Variants in FBXL7 observed in about 807,000 individuals in gnomAD.
FBXL7 encodes F-box and leucine rich repeat protein 7.
A neutral mutation model predicts 38.3 loss-of-function variants in FBXL7; 12 were observed. The observed-to-expected ratio is 0.31, with a 90% CI of 0.20 to 0.51. The LOEUF is 0.51. Among genes scored for constraint, FBXL7 ranks in the 20% least tolerant of loss-of-function variants. FBXL7 has a pLI of 0.98. For synonymous variants in FBXL7, 297 were observed against 300.9 expected (o/e 0.99, Z 0.13); for missense variants, 567 against 676.4 (o/e 0.84, Z 1.79).
At chr5:15,586,306 CT>C (rs1469290806) in intron 1 of FBXL7, among the ~76,000 whole-genome samples, 1 of 129,772 alleles carries the variant, frequency 7.7e-6, no homozygotes, top group Admixed American at 8.1e-5. Context: ...TCTCTCCCCC[CT>C]CACCTCCCCC....
intron 2 of FBXL7, among the ~76,000 whole-genome samples, chr5:15,783,608 G>A (rs1737056966): frequency 6.6e-6 from 1 of 152,058 alleles, no homozygotes; most frequent in Non-Finnish European, 1.5e-5. Context: ...ACCAAGGAGG[G>A]TACCTATCAA....
At chr5:15,760,565 T>C (rs561054693) in intron 2 of FBXL7, among the ~76,000 whole-genome samples, 9 of 152,254 alleles carry the variant, frequency 5.9e-5, no homozygotes, top group Non-Finnish European at 1.3e-4. Context: ...GGAAATAAAC[T>C]CTTTTTGACT....
chr5:15,529,979 A>G (rs1399578887), intron 1 of FBXL7, among the ~76,000 whole-genome samples: 1 of 152,166 alleles, frequency 6.6e-6, no homozygotes, highest in Non-Finnish European at 1.5e-5. Context: ...GGAAGTGTAT[A>G]TTGATATCTG....
At chr5:15,616,310 T>G (rs1338418367) in intron 2 of FBXL7, among the ~76,000 whole-genome samples, 1 of 152,182 alleles carries the variant, frequency 6.6e-6, no homozygotes, top group Non-Finnish European at 1.5e-5. Flanking sequence ...CAAATGTTGT[T>G]TTGTGAAAAT....
intron 2 of FBXL7, among the ~76,000 whole-genome samples, chr5:15,689,965 A>G (rs1743132776): frequency 6.6e-6 from 1 of 152,212 alleles, no homozygotes; most frequent in Non-Finnish European, 1.5e-5. Flanking sequence ...TCTACACGCC[A>G]ATTGCACACC....
intron 2 of FBXL7, among the ~76,000 whole-genome samples, chr5:15,651,156 G>C (rs996338555): frequency 2.0e-5 from 3 of 149,972 alleles, no homozygotes; most frequent in Non-Finnish European, 4.4e-5. Context: ...GAGTGCAGTG[G>C]TGCAATCTCG....
At chr5:15,562,077 A>G (rs1224187875) in intron 1 of FBXL7, among the ~76,000 whole-genome samples, 1 of 152,138 alleles carries the variant, frequency 6.6e-6, no homozygotes, top group Non-Finnish European at 1.5e-5. Flanking sequence ...ATTAACCTGC[A>G]AAAGAATGAA....
intron 2 of FBXL7, among the ~76,000 whole-genome samples, chr5:15,712,922 G>A (rs1743922909): frequency 6.6e-6 from 1 of 152,166 alleles, no homozygotes. Flanking sequence ...GCATCTATAA[G>A]TTGTCTAAAT....
At chr5:15,501,507 G>A in intron 1 of FBXL7, 1 of 985,552 alleles carries the variant, frequency 1.0e-6, no homozygotes, top group South Asian at 4.7e-5. Flanking sequence ...GCATTTTTCT[G>A]CAGTTCAAAA....
At chr5:15,676,417 G>A (rs1006279125) in intron 2 of FBXL7, among the ~76,000 whole-genome samples, 4 of 152,198 alleles carry the variant, frequency 2.6e-5, no homozygotes, top group Non-Finnish European at 4.4e-5. Context: ...GGTTTTCACT[G>A]GACTTTGTAA....
chr5:15,788,687 G>A (rs1317007186), intron 2 of FBXL7, among the ~76,000 whole-genome samples: 1 of 150,906 alleles, frequency 6.6e-6, no homozygotes, highest in Non-Finnish European at 1.5e-5. Context: ...GGCTTCAAGG[G>A]CACCTCTTTT....
At position 15,928,176 on chromosome 5, in the gene FBXL7, G is replaced by A. The variant is rs569377693; in HGVS notation, c.414G>A (p.Ala138=). Residue 138 remains alanine (A), a synonymous_variant, in exon 3 of 4, where the codon GCG becomes GCA. Transcript: ENST00000504595. The surrounding 1 kb of genome is among the most constrained non-coding windows in gnomAD (Gnocchi z 4.0). ...FLPTNQLCRC[A]RVCRRWYNLA... ...CCACCAACCAGCTGTGCCGCTGCGCGCGAGTGTGCCGCCGCTGGTACAACC... is the reference window on the plus strand; with the variant it reads ...CCACCAACCAGCTGTGCCGCTGCGCACGAGTGTGCCGCCGCTGGTACAACC... 6.8e-5 allele frequency: 109 copies of A among 1,609,878 alleles called. 2 individuals are homozygous for A. In the East Asian group the frequency reaches 2.2e-3, roughly 33 times the overall value.
At position 15,684,337 on chromosome 5, in the gene FBXL7, T is replaced by G. The variant is rs1742945009; in HGVS notation, c.127+68265T>G. Among the ~76,000 whole-genome samples, 9 of 152,322 alleles carry G rather than the reference T, an allele frequency of 5.9e-5. No individual in the cohort carries two copies. In the South Asian group the frequency reaches 1.9e-3, roughly 32 times the overall value. On this transcript the variant is annotated intron_variant, in intron 2 of 3. Transcript: ENST00000504595. ...GCACGGTATCTAGGTAAGAGGTATG[T>G]GGTCCATCTACCTCTGTAGGGTATG...
At chr5:15,795,857 A>G (rs1737403030) in intron 2 of FBXL7, among the ~76,000 whole-genome samples, 1 of 152,242 alleles carries the variant, frequency 6.6e-6, no homozygotes, top group African/African-American at 2.4e-5. Context: ...AGGCACACTC[A>G]TCCGATTGCC....
At chr5:15,564,378 C>CTG (rs33993480) in intron 1 of FBXL7, among the ~76,000 whole-genome samples, 8,390 of 147,408 alleles carry the variant, frequency 0.057, 236 homozygotes, top group African/African-American at 0.073. Flanking sequence ...TCAGTAATAT[C>CTG]TGTGTGTGTG....
chr5:15,562,350 G>A (rs60123954), intron 1 of FBXL7, among the ~76,000 whole-genome samples: 19,630 of 152,046 alleles, frequency 0.13, 1,346 homozygotes, highest in African/African-American at 0.17. Context: ...GAAAATATTT[G>A]CAGACATTAT....
At chr5:15,800,231 T>C (rs1049996008) in intron 2 of FBXL7, among the ~76,000 whole-genome samples, 1 of 152,072 alleles carries the variant, frequency 6.6e-6, no homozygotes, top group African/African-American at 2.4e-5. Flanking sequence ...AAAGCAGGTG[T>C]CTGGTGGGCA....
chr5:15,674,016 T>C (rs1189001096), intron 2 of FBXL7, among the ~76,000 whole-genome samples: 2 of 152,230 alleles, frequency 1.3e-5, no homozygotes, highest in East Asian at 1.9e-4. Context: ...TCTACCGTTA[T>C]AGAGGGAAAA....
chr5:15,845,531 A>T lies in FBXL7; in HGVS notation c.128-82359A>T, dbSNP rs7708992. ...AAGGAGCTCATATTGCTAAATAAAT[A>T]TCTGTTAAATATTAAAATGATAATA... On this transcript the variant is annotated intron_variant, in intron 2 of 3. Transcript: ENST00000504595. Among the ~76,000 whole-genome samples, 8 of 152,294 alleles carry T rather than the reference A, an allele frequency of 5.3e-5. No individual in the cohort carries two copies. In the East Asian group the frequency reaches 1.5e-3, roughly 29 times the overall value.
Sources: gnomAD v4.1 joint callset for allele counts (sites outside exome capture counted in the v4.1 genomes callset) on GRCh38, gnomAD v4.1.1 for gene constraint, Gnocchi (gnomAD v3.1) non-coding constraint, MANE v1.5 for transcripts, NCBI Gene and HGNC (gene_info 2026-07-23, HGNC 2026-07-21) for gene names.